OSBPL9: variants seen among roughly 807,000 people sequenced by gnomAD.
The protein encoded by OSBPL9 is oxysterol-binding protein-related protein 9.
Under a neutral mutation model 106.6 loss-of-function variants are expected in OSBPL9, and 40 were observed. The ratio of observed to expected loss-of-function variants is 0.38; its 90% CI spans 0.29 to 0.49. The LOEUF is 0.49. Among genes scored for constraint, OSBPL9 ranks in the 20% least tolerant of loss-of-function variants. OSBPL9 has a pLI of 0.97. For missense variants in OSBPL9, 609 were observed against 887.2 expected (o/e 0.69, Z 3.98); for synonymous variants, 269 against 295.4 (o/e 0.91, Z 0.92).
intron 3 of OSBPL9, among the ~76,000 whole-genome samples, chr1:51,678,366 A>G (rs577882806): frequency 6.6e-6 from 1 of 152,288 alleles, no homozygotes; most frequent in South Asian, 2.1e-4. Flanking sequence ...TTGCTTATTT[A>G]TTAAAATGCA....
the OSBPL9 span, among the ~76,000 whole-genome samples, chr1:51,531,848 C>T: frequency 1.3e-5 from 2 of 152,176 alleles, no homozygotes; most frequent in African/African-American, 4.8e-5. Flanking sequence ...AGCCCTGGGC[C>T]ACTCCAATGT....
Position 51,776,934 on chromosome 1 carries a change from T to C in OSBPL9, c.1256+16T>C, listed in dbSNP as rs1046765752. On this transcript the variant is annotated intron_variant, in intron 15 of 23. Transcript: ENST00000428468. ...TGTTTGTGAGGTATTTGACTGAACA[T>C]GGTAGTTTCCAACGTTTACAGATGT... is the stretch of plus-strand genomic sequence containing the variant. 6.3e-7 allele frequency: 1 copy of C among 1,581,432 alleles called. No homozygotes were observed. Among genetic ancestry groups the C allele is most frequent in the Non-Finnish European group, 8.7e-7 (1 of 1,150,458 alleles).
chr1:51,686,138 C>A (rs1347925930), intron 3 of OSBPL9, among the ~76,000 whole-genome samples: 2 of 152,062 alleles, frequency 1.3e-5, no homozygotes, highest in Non-Finnish European at 2.9e-5. Context: ...AGAAGTGAGC[C>A]TCTGGTGCAT....
intron 15 of OSBPL9, among the ~76,000 whole-genome samples, chr1:51,780,479 T>C (rs2149138771): frequency 6.6e-6 from 1 of 152,096 alleles, no homozygotes; most frequent in East Asian, 1.9e-4. Context: ...TGCCCATCAA[T>C]CAACAAGCAA....
intron 4 of OSBPL9, among the ~76,000 whole-genome samples, chr1:51,721,584 T>A (rs552438560): frequency 4.3e-4 from 65 of 152,358 alleles, no homozygotes; most frequent in African/African-American, 1.5e-3. Context: ...TAATGGATTA[T>A]GTGTCTGAGT....
intron 2 of OSBPL9, among the ~76,000 whole-genome samples, chr1:51,655,704 A>T (rs1334553403): frequency 2.6e-5 from 4 of 152,198 alleles, no homozygotes; most frequent in Non-Finnish European, 5.9e-5. Context: ...AGAACCAAAT[A>T]TACCTGTGTT....
chr1:51,708,027 G>T, intron 3 of OSBPL9: 1 of 228,472 alleles, frequency 4.4e-6, no homozygotes, highest in Non-Finnish European at 9.1e-6. Context: ...CCATGTAGTT[G>T]AGGTCAAAGA....
chr1:51,650,919 C>T (rs1646478232), intron 1 of OSBPL9, among the ~76,000 whole-genome samples: 1 of 152,144 alleles, frequency 6.6e-6, no homozygotes, highest in South Asian at 2.1e-4. Flanking sequence ...CACAGAAAGG[C>T]TAAGTTACAT....
rs1677145180 is a variant in OSBPL9, at chr1:51,784,520, TATC to T, written c.1771_1773del (p.Ile591del). 1 of 1,613,552 alleles carries T rather than the reference TATC, an allele frequency of 6.2e-7. No homozygotes were observed. Among genetic ancestry groups the T allele is most frequent in the Non-Finnish European group, 8.5e-7 (1 of 1,179,558 alleles). ...GTTCCAAAACAGGCTATAGTGCAAA[TATC>T]ATCTTCCACACTAAACCCTTCTATG... On this transcript the variant is annotated inframe_deletion, in exon 20 of 24. Coordinates refer to ENST00000428468, the MANE Select transcript of OSBPL9 (RefSeq NM_024586.6).
the OSBPL9 span, among the ~76,000 whole-genome samples, chr1:51,540,992 A>T: frequency 1.4e-5 from 2 of 147,718 alleles, no homozygotes; most frequent in Non-Finnish European, 3.0e-5. Flanking sequence ...TTACTCAGGC[A>T]TGGTGGCGCG....
chr1:51,607,162 TTC>T (rs1643954781), intron 2 of OSBPL9, among the ~76,000 whole-genome samples: 2 of 150,196 alleles, frequency 1.3e-5, no homozygotes, highest in African/African-American at 4.9e-5. Flanking sequence ...TCTTTTCTTT[TTC>T]TTTTTTTTTT....
intron 2 of OSBPL9, among the ~76,000 whole-genome samples, chr1:51,655,438 C>T (rs922030507): frequency 6.6e-6 from 1 of 152,240 alleles, no homozygotes; most frequent in African/African-American, 2.4e-5. Flanking sequence ...TTGAATCCTT[C>T]TGGTGCTCTG....
chr1:51,688,594 G>A (rs542975998), intron 3 of OSBPL9, among the ~76,000 whole-genome samples: 45 of 152,088 alleles, frequency 3.0e-4, no homozygotes, highest in African/African-American at 9.6e-4. Flanking sequence ...ACCAGCCTGG[G>A]CAACAGAGCA....
At chr1:51,538,369 C>A in the OSBPL9 span, among the ~76,000 whole-genome samples, 2 of 152,166 alleles carry the variant, frequency 1.3e-5, no homozygotes, top group African/African-American at 2.4e-5. Flanking sequence ...CAAAAACAAT[C>A]TACTAAACAG....
the OSBPL9 span, among the ~76,000 whole-genome samples, chr1:51,521,709 C>T: frequency 6.6e-6 from 1 of 152,138 alleles, no homozygotes; most frequent in African/African-American, 2.4e-5. Flanking sequence ...AAATAAATAA[C>T]ACCTTGTATG....
chr1:51,606,294 C>A (rs952770041), intron 2 of OSBPL9, among the ~76,000 whole-genome samples: 3 of 152,210 alleles, frequency 2.0e-5, no homozygotes, highest in African/African-American at 7.2e-5. Flanking sequence ...GCAACACAGA[C>A]TCTGAGATCC....
intron 12 of OSBPL9, among the ~76,000 whole-genome samples, chr1:51,766,964 A>G (rs940661863): frequency 6.6e-6 from 1 of 151,888 alleles, no homozygotes; most frequent in Non-Finnish European, 1.5e-5. Flanking sequence ...TATAAATTCC[A>G]GCTACTCAGG....
chr1:51,754,700 A>G (rs1041264088), intron 8 of OSBPL9, among the ~76,000 whole-genome samples: 3 of 152,252 alleles, frequency 2.0e-5, no homozygotes, highest in East Asian at 1.9e-4. Flanking sequence ...TTAATAATGT[A>G]TGTTAGTAAC....
At chr1:51,727,273 G>A (rs562432528) in intron 4 of OSBPL9, among the ~76,000 whole-genome samples, 1 of 151,880 alleles carries the variant, frequency 6.6e-6, no homozygotes, top group Non-Finnish European at 1.5e-5. Context: ...GTTAAATACT[G>A]ACCATGGACA....
Sources: gnomAD v4.1 joint callset for allele counts (sites outside exome capture counted in the v4.1 genomes callset) on GRCh38, gnomAD v4.1.1 for gene constraint, MANE v1.5 for transcripts, NCBI Gene and HGNC (gene_info 2026-07-23, HGNC 2026-07-21) for gene names.